SLC25A1: variants seen among roughly 807,000 people sequenced by gnomAD.
The protein encoded by SLC25A1 is tricarboxylate transport protein, mitochondrial.
Under a neutral mutation model 38.1 loss-of-function variants are expected in SLC25A1, and 26 were observed. The observed-to-expected ratio is 0.68, with a 90% CI of 0.50 to 0.95. The LOEUF (loss-of-function observed/expected upper bound fraction) is 0.95. SLC25A1 is among the 40% of genes least tolerant of loss of function. SLC25A1 has a pLI of 0.00. For synonymous variants in SLC25A1, 211 were observed against 183.2 expected, an observed-to-expected ratio of 1.15 and a Z score of -1.23; for missense variants, 378 against 426.6, an observed-to-expected ratio of 0.89 and a Z score of 1.00.
rs782333529 is a variant in SLC25A1 at position 19,176,546 on chromosome 22, C to G, written c.747+32G>C. On this transcript the variant is annotated intron_variant, in intron 7 of 8. Coordinates refer to ENST00000215882, the MANE Select transcript of SLC25A1 (RefSeq NM_005984.5). ...CTCAGCAGCTAGCTCTGGCCTGGTC[C>G]CCCCTTCCCCTCCCCTTCCCGGCCC... 4 of 1,611,116 alleles carry G rather than the reference C, an allele frequency of 2.5e-6. No individual in the cohort carries two copies. In the African/African-American group the frequency reaches 5.3e-5, roughly 22 times the overall value.
intron 3 of SLC25A1, 35 bp downstream of exon 3, chr22:19,177,906 GC>G (rs782209746): frequency 2.5e-6 from 4 of 1,582,856 alleles, no homozygotes. Context: ...CCGCGGCCGA[GC>G]CCCCCTCCCG....
chr22:19,176,614 T>A lies in SLC25A1; in HGVS notation c.711A>T (p.Gly237=), dbSNP rs375963287. 72 of 1,613,826 alleles carry A rather than the reference T, an allele frequency of 4.5e-5. No individual in the cohort carries two copies. The highest frequency in any genetic ancestry group is 5.9e-5 in the Non-Finnish European group (70 of 1,180,010). Residue 237 remains glycine (G), a synonymous_variant, in exon 7 of 9, where the codon GGA becomes GGT. Coordinates refer to ENST00000215882, the MANE Select transcript of SLC25A1 (RefSeq NM_005984.5). ...TCTTAATCACATCCAGAGGAGTGTT[T>A]CCAAAGACACTGGCTGCGCCTGCAA... ...GAIAGAASVF[G]NTPLDVIKTR...
At position 19,178,334 on chromosome 22, in the gene SLC25A1, G is replaced by C. The variant is rs2084005161; in HGVS notation, c.95-94C>G. ...CCGGACTTCGGTCGGCGCGGCCGCC[G>C]CGCCAGTGCCGCGGGGAACATAGGC... is the stretch of plus-strand genomic sequence containing the variant. On this transcript the variant is annotated intron_variant, in intron 1 of 8. Coordinates refer to ENST00000215882, the MANE Select transcript of SLC25A1 (RefSeq NM_005984.5). The surrounding 1 kb of genome is among the most constrained non-coding windows in gnomAD (Gnocchi z 4.9). 4.0e-6 allele frequency: 6 copies of C among 1,512,918 alleles called. No homozygotes were observed. The African/African-American group carries it at 8.6e-5, about 22-fold the overall frequency. 93.7% of individuals were successfully genotyped at this position (1,512,918 alleles called of 1,614,324 possible).
Position 19,178,621 on chromosome 22 carries a change from C to G in SLC25A1, c.53G>C (p.Gly18Ala). The G allele has an allele frequency of 1.7e-6, 2 of 1,199,846 alleles. No homozygotes were observed. Among genetic ancestry groups the G allele is most frequent in the South Asian group, 4.2e-5 (1 of 24,096 alleles). The allele number at this position is 1,199,846 out of a possible 1,614,324, so 74.3% of individuals were successfully genotyped here. The change falls in exon 1 of 9, where the codon GGG becomes GCG. Residue 18 changes from glycine to alanine, a missense_variant. Transcript: ENST00000215882. This position sits in a 1 kb window ranked among gnomAD's most constrained non-coding sequence, Gnocchi z 4.9. ...RALAAAAPAS[G>A]KAKLTHPGKA... The stretch of plus-strand genomic sequence containing the variant: ...CCCCGGGTGCGTCAGCTTGGCCTTC[C>G]CGGACGCGGGCGCGGCGGCCGCCAG...
At position 19,178,549 on chromosome 22, in the gene SLC25A1, G is replaced by C; in HGVS notation, c.94+31C>G. On this transcript the variant is annotated intron_variant, in intron 1 of 8. Transcript: ENST00000215882. This position sits in a 1 kb window ranked among gnomAD's most constrained non-coding sequence, Gnocchi z 4.9. ...CCCGGGCCCACCCAGAAGCGCGGCG[G>C]GAGAGGGGTCCGCGTCCCGGAGGGG... The C allele has an allele frequency of 8.0e-7, 1 of 1,252,660 alleles. No individual in the cohort carries two copies. Among genetic ancestry groups the C allele is most frequent in the Non-Finnish European group, 1.0e-6 (1 of 999,792 alleles). The allele number at this position is 1,252,660 out of a possible 1,614,324, so 77.6% of individuals were successfully genotyped here.
Position 19,178,159 on chromosome 22 carries a change from G to T in SLC25A1, c.176C>A (p.Ser59Ter), listed in dbSNP as rs2084000468. The change falls in exon 2 of 9, where the codon TCG (serine) becomes TAG (stop). Residue 59 changes from serine to a stop codon, truncating the protein, a stop_gained. Coordinates refer to ENST00000215882, the MANE Select transcript of SLC25A1 (RefSeq NM_005984.5). LOFTEE classifies it high-confidence loss of function. The surrounding 1 kb of genome is among the most constrained non-coding windows in gnomAD (Gnocchi z 4.9). Reference protein sequence around the residue: ...VKTQLQLDERSHPPRYRGIGD... With the variant: ...VKTQLQLDER ...GATGCCCCGGTACCGCGGCGGGTGC[G>T]AGCGCTCGTCCAGCTGCAGCTGCGT... 3.9e-6 allele frequency: 6 copies of T among 1,546,944 alleles called. No homozygotes were observed. Among genetic ancestry groups the T allele is most frequent in the Non-Finnish European group, 5.2e-6 (6 of 1,146,148 alleles).
rs369371707 is a variant in SLC25A1, at chr22:19,176,225, G to A, written c.841C>T (p.Pro281Ser). 8.4e-5 allele frequency: 136 copies of A among 1,613,104 alleles called. No individual in the cohort carries two copies. Among genetic ancestry groups the A allele is most frequent in the Non-Finnish European group, 1.1e-4 (132 of 1,179,996 alleles). The part of the protein sequence containing the change: ...GLKAFYKGTV[P>S]RLGRVCLDVA... The stretch of plus-strand genomic sequence containing the variant: ...TCCAGGCAGACCCGGCCCAGGCGGG[G>A]GACAGTGCCCTTGTAGAATCTGGGT... Residue 281 changes from proline to serine, a missense_variant, in exon 9 of 9, where the codon CCC becomes TCC. By Grantham distance (74) the Pro-to-Ser change is moderately conservative. Coordinates refer to ENST00000215882, the MANE Select transcript of SLC25A1 (RefSeq NM_005984.5).
chr22:19,176,810 C>T, intron 6 of SLC25A1, 36 bp downstream of exon 6: 3 of 1,608,056 alleles, frequency 1.9e-6, no homozygotes, highest in East Asian at 2.2e-5. Flanking sequence ...AGGAGCTGGC[C>T]ATGTGCAGAG....
rs782781234 is a variant in SLC25A1 at position 19,178,050 on chromosome 22, G to A, written c.203-9C>T. ...CTGCCGCACGCAGTCCCCTGGGGGA[G>A]GGGGCGGTCAGGACCCCACGGCCCT... is the stretch of plus-strand genomic sequence containing the variant. On this transcript the variant is annotated splice_polypyrimidine_tract_variant and intron_variant, in intron 2 of 8. Coordinates refer to ENST00000215882, the MANE Select transcript of SLC25A1 (RefSeq NM_005984.5). The surrounding 1 kb of genome is among the most constrained non-coding windows in gnomAD (Gnocchi z 4.9). 8 of 1,578,322 alleles carry A rather than the reference G, an allele frequency of 5.1e-6. No individual in the cohort carries two copies. Among genetic ancestry groups the A allele is most frequent in the African/African-American group, 1.3e-5 (1 of 74,296 alleles).
Position 19,178,611 on chromosome 22 carries a change from C to G in SLC25A1, c.63G>C (p.Lys21Asn). The change falls in exon 1 of 9, where the codon AAG becomes AAC. Residue 21 changes from lysine (K) to asparagine (N), a missense_variant. Coordinates refer to ENST00000215882, the MANE Select transcript of SLC25A1 (RefSeq NM_005984.5). This position sits in a 1 kb window ranked among gnomAD's most constrained non-coding sequence, Gnocchi z 4.9. ...AAAAPASGKA[K>N]LTHPGKAILA... Reference sequence around the variant, plus strand: ...GGATCGCCTTCCCCGGGTGCGTCAGCTTGGCCTTCCCGGACGCGGGCGCGG... The same window carrying G: ...GGATCGCCTTCCCCGGGTGCGTCAGGTTGGCCTTCCCGGACGCGGGCGCGG... 2 of 1,205,848 alleles carry G rather than the reference C, an allele frequency of 1.7e-6. No homozygotes were observed. Among genetic ancestry groups the G allele is most frequent in the Non-Finnish European group, 1.0e-6 (1 of 971,040 alleles). 74.7% of individuals were successfully genotyped at this position (1,205,848 alleles called of 1,614,324 possible).
chr22:19,175,997 T>C lies in SLC25A1; in HGVS notation c.*133A>G, dbSNP rs1314258497. On this transcript the variant is annotated 3_prime_UTR_variant, in exon 9 of 9. Coordinates refer to ENST00000215882, the MANE Select transcript of SLC25A1 (RefSeq NM_005984.5). ...GGACACATGGATTTGACAGCCACAA[T>C]GCACAGACCAGGCTACAGAGCTCGA... 2.1e-5 allele frequency: 13 copies of C among 605,586 alleles called. No homozygotes were observed. In the African/African-American group the frequency reaches 2.2e-4, roughly 10 times the overall value. The allele number at this position is 605,586 out of a possible 1,614,324, so 37.5% of individuals were successfully genotyped here.
In SLC25A1 at chr22:19,176,079, G is replaced by C. The variant is rs1169819679; in HGVS notation, c.*51C>G. The C allele has an allele frequency of 5.5e-6, 8 of 1,449,190 alleles. No individual in the cohort carries two copies. Among genetic ancestry groups the C allele is most frequent in the Non-Finnish European group, 7.8e-6 (8 of 1,031,378 alleles). 89.8% of individuals were successfully genotyped at this position (1,449,190 alleles called of 1,614,324 possible). A position where few individuals can be genotyped will look rare whatever the true frequency, so the allele number is the denominator to read the frequency against. On this transcript the variant is annotated 3_prime_UTR_variant, in exon 9 of 9. Coordinates refer to ENST00000215882, the MANE Select transcript of SLC25A1 (RefSeq NM_005984.5). ...GCACTGGAATCGTGAGACAAAGGTA[G>C]CAGGACACTCTGGCGGTGCCTGGGG... is the stretch of plus-strand genomic sequence containing the variant.
At chr22:19,176,363 C>A in intron 8 of SLC25A1, 58 bp downstream of exon 8, 3 of 1,588,916 alleles carry the variant, frequency 1.9e-6, no homozygotes, top group Non-Finnish European at 2.6e-6. Flanking sequence ...GTGGGCAGGC[C>A]AGGTAGGCCG....
chr22:19,176,827 C>A lies in SLC25A1; in HGVS notation c.631+19G>T. The A allele has an allele frequency of 6.2e-7, 1 of 1,612,302 alleles. No individual in the cohort carries two copies. Among genetic ancestry groups the A allele is most frequent in the South Asian group, 1.1e-5 (1 of 91,036 alleles). On this transcript the variant is annotated intron_variant, in intron 6 of 8. Transcript: ENST00000215882. ...GAGCTGGCCATGTGCAGAGATGGGG[C>A]CCTGTGATGCAGACACACCTCGGTA...
rs1243758854 is a variant in SLC25A1 at position 19,178,541 on chromosome 22, G to A, written c.94+39C>T. 4.0e-6 allele frequency: 5 copies of A among 1,264,368 alleles called. No individual in the cohort carries two copies. The highest frequency in any genetic ancestry group is 2.6e-4 in the Middle Eastern group (1 of 3,910). The allele number at this position is 1,264,368 out of a possible 1,614,324, so 78.3% of individuals were successfully genotyped here. A position where few individuals can be genotyped will look rare whatever the true frequency, so the allele number is the denominator to read the frequency against. On this transcript the variant is annotated intron_variant, in intron 1 of 8. Transcript: ENST00000215882. This position sits in a 1 kb window ranked among gnomAD's most constrained non-coding sequence, Gnocchi z 4.9. ...CTCAGCGTCCCGGGCCCACCCAGAAGCGCGGCGGGAGAGGGGTCCGCGTCC... is the reference window on the plus strand; with the variant it reads ...CTCAGCGTCCCGGGCCCACCCAGAAACGCGGCGGGAGAGGGGTCCGCGTCC...
In SLC25A1 at chr22:19,178,363, G is replaced by A. The variant is rs2084006363; in HGVS notation, c.95-123C>T. ...CAGTGCCGCGGGGAACATAGGCTGGGGCCCCACGCCCCCATGCCCTCACCC... is the reference window on the plus strand; with the variant it reads ...CAGTGCCGCGGGGAACATAGGCTGGAGCCCCACGCCCCCATGCCCTCACCC... On this transcript the variant is annotated intron_variant, in intron 1 of 8. Coordinates refer to ENST00000215882, the MANE Select transcript of SLC25A1 (RefSeq NM_005984.5). This position sits in a 1 kb window ranked among gnomAD's most constrained non-coding sequence, Gnocchi z 4.9. 1.4e-6 allele frequency: 2 copies of A among 1,478,356 alleles called. No individual in the cohort carries two copies. Among genetic ancestry groups the A allele is most frequent in the African/African-American group, 1.5e-5 (1 of 68,012 alleles). The allele number at this position is 1,478,356 out of a possible 1,614,324, so 91.6% of individuals were successfully genotyped here.
chr22:19,178,514 G>A lies in SLC25A1; in HGVS notation c.94+66C>T. Reference sequence around the variant, plus strand: ...CGGCCCAACCCGGAAGTGGGGCGGGGCCTCAGCGTCCCGGGCCCACCCAGA... The same window carrying A: ...CGGCCCAACCCGGAAGTGGGGCGGGACCTCAGCGTCCCGGGCCCACCCAGA... On this transcript the variant is annotated intron_variant, in intron 1 of 8. Transcript: ENST00000215882. The surrounding 1 kb of genome is among the most constrained non-coding windows in gnomAD (Gnocchi z 4.9). The A allele has an allele frequency of 3.0e-6, 4 of 1,312,018 alleles. No homozygotes were observed. The highest frequency in any genetic ancestry group is 3.9e-6 in the Non-Finnish European group (4 of 1,034,492). 81.3% of individuals were successfully genotyped at this position (1,312,018 alleles called of 1,614,324 possible).
In SLC25A1 at chr22:19,178,478, T is replaced by C; in HGVS notation, c.94+102A>G. ...GGGACCAGGACCGCGCCTCCACGACTCCCCAGCCCACGGCCCAACCCGGAA... is the reference window on the plus strand; with the variant it reads ...GGGACCAGGACCGCGCCTCCACGACCCCCCAGCCCACGGCCCAACCCGGAA... On this transcript the variant is annotated intron_variant, in intron 1 of 8. Coordinates refer to ENST00000215882, the MANE Select transcript of SLC25A1 (RefSeq NM_005984.5). This position sits in a 1 kb window ranked among gnomAD's most constrained non-coding sequence, Gnocchi z 4.9. The C allele has an allele frequency of 7.5e-7, 1 of 1,337,848 alleles. No individual in the cohort carries two copies. Among genetic ancestry groups the C allele is most frequent in the South Asian group, 1.9e-5 (1 of 53,114 alleles). The allele number at this position is 1,337,848 out of a possible 1,614,324, so 82.9% of individuals were successfully genotyped here.
At position 19,177,006 on chromosome 22, in the gene SLC25A1, T is replaced by G; in HGVS notation, c.527-56A>C. 5 of 1,598,036 alleles carry G rather than the reference T, an allele frequency of 3.1e-6. No homozygotes were observed. In the Middle Eastern group the frequency reaches 5.0e-4, roughly 160 times the overall value. ...CAGCCTCTCAGGCCCCGGTTGGGAA[T>G]TGGTGTGTGTGGGGGGTGGGTGTTG... On this transcript the variant is annotated intron_variant, in intron 5 of 8. Transcript: ENST00000215882.
Sources: allele counts gnomAD v4.1 joint callset, GRCh38; gene constraint gnomAD v4.1.1; non-coding constraint Gnocchi (gnomAD v3.1); transcripts MANE v1.5; gene names NCBI Gene and HGNC (gene_info 2026-07-23, HGNC 2026-07-21).